Variants in MMP27 observed in about 807,000 individuals in gnomAD.
The protein encoded by MMP27 is matrix metalloproteinase-27.
Under a neutral mutation model 48.1 loss-of-function variants are expected in MMP27, and 51 were observed. That is an observed-to-expected ratio of 1.06 (90% confidence interval 0.85 to 1.34). MMP27 has a LOEUF of 1.34. Among genes scored for constraint, MMP27 ranks in the 40% most tolerant of loss-of-function variants. The pLI is 0.00. For missense variants in MMP27, 698 were observed against 619.3 expected, an observed-to-expected ratio of 1.13 and a Z score of -1.35; for synonymous variants, 229 against 208.9, an observed-to-expected ratio of 1.10 and a Z score of -0.83.
In MMP27 at chr11:102,691,914, C is replaced by A. The variant is rs1860731838; in HGVS notation, c.1394G>T (p.Cys465Phe). 1 of 1,613,358 alleles carries A rather than the reference C, an allele frequency of 6.2e-7. No individual in the cohort carries two copies. The highest frequency in any genetic ancestry group is 1.3e-5 in the African/African-American group (1 of 74,882). The change falls in exon 10 of 10, where the codon TGC becomes TTC. Residue 465 changes from cysteine to phenylalanine, a missense_variant. Cys to Phe is a radical substitution (Grantham distance 205). Coordinates refer to ENST00000260229, the MANE Select transcript of MMP27 (RefSeq NM_022122.3). Reference protein sequence around the residue: ...RIMRTNTWFQCKEPKNSSFGF... With the variant: ...RIMRTNTWFQFKEPKNSSFGF... ...AAATGAGGAGTTCTTTGGTTCTTTG[C>A]ATTGAAACCAAGTATTAGTTCTCAT... is the stretch of plus-strand genomic sequence containing the variant.
chr11:102,693,835 G>A, intron 8 of MMP27, 71 bp downstream of exon 8: 2 of 1,266,038 alleles, frequency 1.6e-6, no homozygotes, highest in Admixed American at 2.5e-5. Flanking sequence ...AATTTTGTCT[G>A]TGTCAAAGTG....
chr11:102,692,937 C>A lies in MMP27; in HGVS notation c.1297+1G>T, dbSNP rs757302955. ...CCAATAAGTGAGACATCCATGCTTA[C>A]CTTTGTACTGGAAAGCAGCATCAAC... On this transcript the variant is annotated splice_donor_variant, in intron 9 of 9. Transcript: ENST00000260229. LOFTEE classifies it high-confidence loss of function. The A allele has an allele frequency of 1.9e-6, 3 of 1,611,714 alleles. No homozygotes were observed. The highest frequency in any genetic ancestry group is 2.5e-6 in the Non-Finnish European group (3 of 1,178,112).
chr11:102,696,385 C>T lies in MMP27; in HGVS notation c.888G>A (p.Met296Ile), dbSNP rs978478682. 9.9e-6 allele frequency: 16 copies of T among 1,613,570 alleles called. No homozygotes were observed. Among genetic ancestry groups the T allele is most frequent in the African/African-American group, 1.3e-5 (1 of 74,868 alleles). The change falls in exon 6 of 10, where the codon ATG (methionine) becomes ATA (isoleucine). Residue 296 changes from methionine to isoleucine, a missense_variant. Coordinates refer to ENST00000260229, the MANE Select transcript of MMP27 (RefSeq NM_022122.3). Reference protein sequence around the residue: ...DAITTFRREVMFFKGRHLWRI... With the variant: ...DAITTFRREVIFFKGRHLWRI... ...AATGAGTTTACCTGCCTTTAAAGAA[C>T]ATTACTTCTCTGCGGAAAGTTGTGA...
At chr11:102,703,191 C>T (rs376807017) in intron 2 of MMP27, 73 bp from the exon 3 acceptor site, 71 of 1,384,472 alleles carry the variant, frequency 5.1e-5, no homozygotes, top group East Asian at 4.8e-4. Flanking sequence ...CTACAAAAAA[C>T]ATTTCTAGCT....
chr11:102,704,337 T>A (rs1406540548), intron 2 of MMP27, among the ~76,000 whole-genome samples, 200 bp downstream of exon 2: 1 of 152,234 alleles, frequency 6.6e-6, no homozygotes. Context: ...TAAACTTTTG[T>A]TTCAGTTTCT....
rs149495231 is a variant in MMP27 at position 102,693,513 on chromosome 11, C to T, written c.1193+393G>A. Among the ~76,000 whole-genome samples, 1,202 of 152,100 alleles carry T rather than the reference C, an allele frequency of 7.9e-3. 23 individuals carry two copies. Among genetic ancestry groups the T allele is most frequent in the African/African-American group, 0.027 (1,139 of 41,506 alleles). On this transcript the variant is annotated intron_variant, in intron 8 of 9. Transcript: ENST00000260229. ...TAAGAAGACTATGGGCTGGGCGTGG[C>T]GACTCATGCCTGTAATCCCAGCACT... is the stretch of plus-strand genomic sequence containing the variant.
In MMP27 at chr11:102,693,961, C is replaced by G. The variant is rs202071510; in HGVS notation, c.1138G>C (p.Val380Leu). ...PGRVKKIDAAVCDKTTRKTYF... is the reference protein window; with the variant it reads ...PGRVKKIDAALCDKTTRKTYF... ...GTTTTTCTTGTGGTCTTATCACAGA[C>G]GGCTGCATCTATTTTCTTCACACGT... Residue 380 changes from valine to leucine, a missense_variant, in exon 8 of 10, where the codon GTC becomes CTC. Transcript: ENST00000260229. 1.2e-6 allele frequency: 2 copies of G among 1,611,656 alleles called. No homozygotes were observed. Among genetic ancestry groups the G allele is most frequent in the Admixed American group, 3.4e-5 (2 of 59,660 alleles).
intron 9 of MMP27, 53 bp from the exon 10 acceptor site, chr11:102,692,063 A>C: frequency 7.1e-7 from 1 of 1,416,568 alleles, no homozygotes; most frequent in Non-Finnish European, 9.3e-7. Flanking sequence ...TAATACTTCC[A>C]TACTTTTAAA....
Position 102,692,994 on chromosome 11 carries a change from A to T in MMP27, c.1241T>A (p.Val414Glu). Residue 414 changes from valine to glutamate, a missense_variant, in exon 9 of 10, where the codon GTG (valine) becomes GAG (glutamate). Val to Glu is a moderately radical substitution (Grantham distance 121). Transcript: ENST00000260229. Reference protein sequence around the residue: ...QTMDKGFPQRVVKHFPGISIR... With the variant: ...QTMDKGFPQREVKHFPGISIR... ...ACTGATTCCAGGAAAGTGTTTTACCACTCTCTGCGGGAACCCTTTGTCCAT... is the reference window on the plus strand; with the variant it reads ...ACTGATTCCAGGAAAGTGTTTTACCTCTCTCTGCGGGAACCCTTTGTCCAT... The T allele has an allele frequency of 6.2e-7, 1 of 1,613,590 alleles. No homozygotes were observed. The highest frequency in any genetic ancestry group is 1.7e-5 in the Admixed American group (1 of 59,976).
Position 102,692,011 on chromosome 11 carries a change from C to T in MMP27, c.1298-1G>A, listed in dbSNP as rs1565424412. ...GATCCACGGCTGAAAAAGAAGAATC[C>T]TAGAGACAGGGAATCAGGATTAGTT... On this transcript the variant is annotated splice_acceptor_variant, in intron 9 of 9. Coordinates refer to ENST00000260229, the MANE Select transcript of MMP27 (RefSeq NM_022122.3). LOFTEE classifies it high-confidence loss of function. 6.3e-7 allele frequency: 1 copy of T among 1,591,748 alleles called. No individual in the cohort carries two copies. The highest frequency in any genetic ancestry group is 8.6e-7 in the Non-Finnish European group (1 of 1,168,550).
chr11:102,705,584 G>A (rs375874111), intron 1 of MMP27, 29 bp downstream of exon 1: 6 of 1,300,718 alleles, frequency 4.6e-6, no homozygotes, highest in Non-Finnish European at 6.4e-6. Flanking sequence ...TTTATCAATA[G>A]TCATCGATAT....
At position 102,705,707 on chromosome 11, in the gene MMP27, C is replaced by T. The variant is rs184904777; in HGVS notation, c.8G>A (p.Arg3His). The change falls in exon 1 of 10, where the codon CGC becomes CAC. Residue 3 changes from arginine to histidine, a missense_variant. Coordinates refer to ENST00000260229, the MANE Select transcript of MMP27 (RefSeq NM_022122.3). ...AAAGAACAAAAACAGAAGCAGAAGGCGCTTCATTCCTCTCTTTCTTCAGCT... is the reference window on the plus strand; with the variant it reads ...AAAGAACAAAAACAGAAGCAGAAGGTGCTTCATTCCTCTCTTTCTTCAGCT... MK[R>H]LLLLFLFFIT... 45 of 1,603,398 alleles carry T rather than the reference C, an allele frequency of 2.8e-5. No individual in the cohort carries two copies. Among genetic ancestry groups the T allele is most frequent in the Admixed American group, 1.0e-4 (6 of 58,008 alleles).
intron 9 of MMP27, among the ~76,000 whole-genome samples, chr11:102,692,721 AC>A (rs1355685020): frequency 6.6e-6 from 1 of 152,176 alleles, no homozygotes; most frequent in Non-Finnish European, 1.5e-5. Context: ...TGGATTTGGT[AC>A]TTTTTACATA....
intron 6 of MMP27, among the ~76,000 whole-genome samples, 162 bp downstream of exon 6, chr11:102,696,209 A>G (rs376750259): frequency 1.3e-5 from 2 of 152,222 alleles, no homozygotes; most frequent in African/African-American, 4.8e-5. Context: ...AACAACTACA[A>G]GAGACACACA....
Position 102,705,621 on chromosome 11 carries a change from G to T in MMP27, c.94C>A (p.Leu32Met), listed in dbSNP as rs1160757283. The T allele has an allele frequency of 6.4e-7, 1 of 1,562,776 alleles. No homozygotes were observed. The highest frequency in any genetic ancestry group is 8.7e-7 in the Non-Finnish European group (1 of 1,146,654). The part of the protein sequence containing the change: ...RMTENEENMQ[L>M]AQAYLNQFYS... Reference sequence around the variant, plus strand: ...ATTTATTAAGACAGTACCTGAGCCAGTTGCATATTTTCTTCATTTTCCGTC... The same window carrying T: ...ATTTATTAAGACAGTACCTGAGCCATTTGCATATTTTCTTCATTTTCCGTC... Residue 32 changes from leucine to methionine, a missense_variant, in exon 1 of 10, where the codon CTG (leucine) becomes ATG (methionine). Coordinates refer to ENST00000260229, the MANE Select transcript of MMP27 (RefSeq NM_022122.3).
At chr11:102,703,926 T>C (rs533076104) in intron 2 of MMP27, among the ~76,000 whole-genome samples, 7 of 152,328 alleles carry the variant, frequency 4.6e-5, no homozygotes, top group Admixed American at 3.3e-4. Flanking sequence ...TCTCAAGTCC[T>C]AGCACTCAGT....
chr11:102,692,893 A>G (rs1242222983), intron 9 of MMP27, 45 bp downstream of exon 9: 2 of 1,503,296 alleles, frequency 1.3e-6, no homozygotes, highest in South Asian at 1.2e-5. Flanking sequence ...TTCACAGTCA[A>G]CACAGTCTCT....
intron 4 of MMP27, among the ~76,000 whole-genome samples, chr11:102,699,121 C>T (rs1241311951): frequency 6.6e-6 from 1 of 152,148 alleles, no homozygotes; most frequent in Non-Finnish European, 1.5e-5. Flanking sequence ...TTAGAATTGC[C>T]TTTGTCTTTG....
Sources: allele counts gnomAD v4.1 joint callset (sites outside exome capture counted in the v4.1 genomes callset), GRCh38; gene constraint gnomAD v4.1.1; transcripts MANE v1.5; gene names NCBI Gene and HGNC (gene_info 2026-07-23, HGNC 2026-07-21).